The following WDR75 variants were observed in gnomAD, a reference collection of about 807,000 sequenced individuals.
The protein encoded by WDR75 is WD repeat domain 75, also known as WD repeat-containing protein 75.
WDR75 carries 52 observed loss-of-function variants against 106.1 expected under a neutral mutation model. The ratio of observed to expected loss-of-function variants is 0.49; its 90% CI spans 0.39 to 0.62. WDR75 has a LOEUF of 0.62. Among genes scored for constraint, WDR75 ranks in the 20% least tolerant of loss-of-function variants. The pLI is 0.00. For synonymous variants in WDR75, 333 were observed against 335.5 expected (o/e 0.99, Z 0.08); for missense variants, 905 against 970.3 (o/e 0.93, Z 0.89).
chr2:189,472,388 G>A (rs1412390465), intron 18 of WDR75, among the ~76,000 whole-genome samples: 1 of 152,162 alleles, frequency 6.6e-6, no homozygotes, highest in Admixed American at 6.5e-5. Context: ...AGAGAACTAA[G>A]GAGGAGCTAA....
At chr2:189,461,461 CT>C in intron 8 of WDR75, among the ~76,000 whole-genome samples, 1 of 151,666 alleles carries the variant, frequency 6.6e-6, no homozygotes. Flanking sequence ...CTTTTTAGGT[CT>C]TTATATCCAT....
At chr2:189,463,168 G>T (rs945802671) in intron 9 of WDR75, among the ~76,000 whole-genome samples, 1 of 152,114 alleles carries the variant, frequency 6.6e-6, no homozygotes, top group African/African-American at 2.4e-5. Flanking sequence ...GAACATAACT[G>T]TGAGCAGTCC....
At chr2:189,473,191 T>C (rs1687149699) in intron 18 of WDR75, among the ~76,000 whole-genome samples, 1 of 151,956 alleles carries the variant, frequency 6.6e-6, no homozygotes, top group South Asian at 2.1e-4. Context: ...CACTCCAGCC[T>C]GGGTGACAGA....
rs1558987150 is a variant in WDR75, at chr2:189,463,959, A to G, written c.1111A>G (p.Asn371Asp). ...TCTCCAGAGTGATAAACAGTTATAC[A>G]ATGTAAGATTTTGATCATTAGCCTT... ...YSLQSDKQLYNLDIIQQEYIN... is the reference protein window; with the variant it reads ...YSLQSDKQLYDLDIIQQEYIN... Residue 371 changes from asparagine to aspartate, a missense_variant and splice_region_variant, in exon 11 of 21, where the codon AAT becomes GAT. Physicochemically the swap from Asn to Asp is conservative, Grantham distance 23. Transcript: ENST00000314761. The G allele has an allele frequency of 6.2e-7, 1 of 1,611,246 alleles. No individual in the cohort carries two copies. Among genetic ancestry groups the G allele is most frequent in the Non-Finnish European group, 8.5e-7 (1 of 1,178,900 alleles).
intron 11 of WDR75, 69 bp from the exon 12 acceptor site, chr2:189,465,010 T>G: frequency 8.6e-7 from 1 of 1,168,974 alleles, no homozygotes; most frequent in Non-Finnish European, 1.2e-6. Flanking sequence ...TATCATTTCT[T>G]GAATGCTGTA....
At position 189,465,097 on chromosome 2, in the gene WDR75, G is replaced by T. The variant is rs770851513; in HGVS notation, c.1132G>T (p.Glu378Ter). Reference sequence around the variant, plus strand: ...TCATCAGTTAGATATTATACAGCAAGAATATATTAATGATTATGGTCTGAT... The same window carrying T: ...TCATCAGTTAGATATTATACAGCAATAATATATTAATGATTATGGTCTGAT... ...QLYNLDIIQQ[E>*]YINDYGLIQI... Residue 378 changes from glutamate to a stop codon, truncating the protein, a stop_gained, in exon 12 of 21, where the codon GAA (glutamate) becomes TAA (stop). Transcript: ENST00000314761. LOFTEE classifies it high-confidence loss of function. 1 of 1,597,878 alleles carries T rather than the reference G, an allele frequency of 6.3e-7. No individual in the cohort carries two copies. The highest frequency in any genetic ancestry group is 8.5e-7 in the Non-Finnish European group (1 of 1,172,190).
At chr2:189,470,007 C>T (rs1255932819) in intron 16 of WDR75, 69 bp from the exon 17 acceptor site, 2 of 1,381,080 alleles carry the variant, frequency 1.4e-6, no homozygotes, top group African/African-American at 2.9e-5. Context: ...TTAGTGTGAT[C>T]TGCCAGTCTG....
Position 189,441,578 on chromosome 2 carries a change from A to C in WDR75, c.86A>C (p.Lys29Thr), listed in dbSNP as rs752057196. ...FRRAVFSADS[K>T]YIFCVSGDFV... ...AGAGCTGTGTTCTCTGCAGATTCTA[A>C]GTATGAGGGGCACCGCGCTTTGTCG... The change falls in exon 1 of 21, where the codon AAG becomes ACG. Residue 29 changes from lysine (K) to threonine (T), a missense_variant and splice_region_variant. Transcript: ENST00000314761. The C allele has an allele frequency of 6.4e-7, 1 of 1,556,994 alleles. No individual in the cohort carries two copies. The highest frequency in any genetic ancestry group is 1.2e-5 in the South Asian group (1 of 84,474).
At position 189,458,812 on chromosome 2, in the gene WDR75, C is replaced by T. The variant is rs1156494874; in HGVS notation, c.629C>T (p.Ala210Val). The T allele has an allele frequency of 1.2e-6, 2 of 1,609,212 alleles. No individual in the cohort carries two copies. Among genetic ancestry groups the T allele is most frequent in the South Asian group, 2.2e-5 (2 of 89,862 alleles). ...KHAKNNFTCV[A>V]CHPTEDCIAS... is the part of the protein sequence containing the mutation. ...GCTAAAAACAATTTTACATGTGTAGCATGTCACCCAACGGAAGACTGCATC... is the reference window on the plus strand; with the variant it reads ...GCTAAAAACAATTTTACATGTGTAGTATGTCACCCAACGGAAGACTGCATC... The change falls in exon 7 of 21, where the codon GCA becomes GTA. Residue 210 changes from alanine (A) to valine (V), a missense_variant. Ala to Val is a moderately conservative substitution (Grantham distance 64, BLOSUM62 0). Coordinates refer to ENST00000314761, the MANE Select transcript of WDR75 (RefSeq NM_032168.3).
intron 4 of WDR75, among the ~76,000 whole-genome samples, chr2:189,452,777 G>T (rs1686655179): frequency 6.6e-6 from 1 of 152,138 alleles, no homozygotes; most frequent in Admixed American, 6.5e-5. Context: ...GAAATTTTCT[G>T]ATCCCCACAT....
Position 189,462,556 on chromosome 2 carries a change from A to T in WDR75, c.851A>T (p.Glu284Val). The part of the protein sequence containing the change: ...EWRDATEKNK[E>V]FLPRLGATIE... Reference sequence around the variant, plus strand: ...CGCGATGCAACAGAGAAGAATAAGGAGTTTCTCCCGCGTTTAGGAGCTACT... The same window carrying T: ...CGCGATGCAACAGAGAAGAATAAGGTGTTTCTCCCGCGTTTAGGAGCTACT... The change falls in exon 9 of 21, where the codon GAG becomes GTG. Residue 284 changes from glutamate to valine, a missense_variant. Transcript: ENST00000314761. The T allele has an allele frequency of 6.2e-7, 1 of 1,614,032 alleles. No homozygotes were observed. Among genetic ancestry groups the T allele is most frequent in the Non-Finnish European group, 8.5e-7 (1 of 1,179,968 alleles).
chr2:189,474,834 G>A, intron 20 of WDR75, 26 bp downstream of exon 20: 1 of 1,566,858 alleles, frequency 6.4e-7, no homozygotes. Flanking sequence ...AGACAGGTTT[G>A]GACACTCTCT....
At chr2:189,456,672 G>C in intron 5 of WDR75, among the ~76,000 whole-genome samples, 1 of 152,124 alleles carries the variant, frequency 6.6e-6, no homozygotes, top group South Asian at 2.1e-4. Flanking sequence ...GGAAGGAAAT[G>C]TTCTAGATCC....
rs550442914 is a variant in WDR75, at chr2:189,467,098, C to T, written c.1448-370C>T. Among the ~76,000 whole-genome samples the T allele has an allele frequency of 2.0e-5, 3 of 152,068 alleles. No homozygotes were observed. In the South Asian group the frequency reaches 6.2e-4, roughly 32 times the overall value. On this transcript the variant is annotated intron_variant, in intron 13 of 20. Coordinates refer to ENST00000314761, the MANE Select transcript of WDR75 (RefSeq NM_032168.3). ...TGGGGGATACAATCCAAGACCCCCCCGCCCCAGTTGATGCCTGAAACTGCA... is the reference window on the plus strand; with the variant it reads ...TGGGGGATACAATCCAAGACCCCCCTGCCCCAGTTGATGCCTGAAACTGCA...
Position 189,469,341 on chromosome 2 carries a change from CAG to C in WDR75, c.1724-2_1724-1del. ...AGTGAATCACCTTTGTTTTTCCCCT[CAG>C]TGGAGTGGAATGCAAAATTAAATGT... On this transcript the variant is annotated splice_acceptor_variant, in intron 15 of 20. Transcript: ENST00000314761. LOFTEE classifies it high-confidence loss of function. 6.2e-7 allele frequency: 1 copy of C among 1,610,020 alleles called. No individual in the cohort carries two copies. The highest frequency in any genetic ancestry group is 2.2e-5 in the East Asian group (1 of 44,834).
chr2:189,458,629 A>G (rs1686793265), intron 6 of WDR75, 124 bp from the exon 7 acceptor site: 6 of 750,212 alleles, frequency 8.0e-6, no homozygotes, highest in South Asian at 4.0e-5. Context: ...CTGCAGTTAT[A>G]TTTATTGAAT....
intron 5 of WDR75, 174 bp downstream of exon 5, chr2:189,455,618 T>C (rs542266270): frequency 0.042 from 32,131 of 767,456 alleles, 1,035 homozygotes; most frequent in African/African-American, 0.14. Flanking sequence ...TAGATTTTTT[T>C]AGGACTATCC....
In WDR75 at chr2:189,475,307, A is replaced by G. The variant is rs1687191544; in HGVS notation, c.2383A>G (p.Thr795Ala). 6.2e-7 allele frequency: 1 copy of G among 1,612,546 alleles called. No individual in the cohort carries two copies. The change falls in exon 21 of 21, where the codon ACA (threonine) becomes GCA (alanine). Residue 795 changes from threonine (T) to alanine (A), a missense_variant. Transcript: ENST00000314761. ...TGATTTTACCGAAAAAGTCCAGGATACAAGTAACACAGGTTTAGGAGAAGA... is the reference window on the plus strand; with the variant it reads ...TGATTTTACCGAAAAAGTCCAGGATGCAAGTAACACAGGTTTAGGAGAAGA... The part of the protein sequence containing the change: ...ENDFTEKVQD[T>A]SNTGLGEDII...
At chr2:189,472,474 C>A (rs192652549) in intron 18 of WDR75, among the ~76,000 whole-genome samples, 157 of 152,206 alleles carry the variant, frequency 1.0e-3, no homozygotes, top group African/African-American at 2.4e-3. Flanking sequence ...CTCTATTATT[C>A]TTATTGTTTT....
Sources: allele counts gnomAD v4.1 joint callset (sites outside exome capture counted in the v4.1 genomes callset), GRCh38; gene constraint gnomAD v4.1.1; transcripts MANE v1.5; gene names NCBI Gene and HGNC (gene_info 2026-07-23, HGNC 2026-07-21).